Variants in PRR5L observed in about 807,000 individuals in gnomAD.
PRR5L encodes proline-rich protein 5-like.
PRR5L carries 21 observed loss-of-function variants against 36.4 expected under a neutral mutation model. That is an observed-to-expected ratio of 0.58 (90% CI 0.41 to 0.83). The LOEUF (loss-of-function observed/expected upper bound fraction) is 0.83. Ranked by LOEUF, PRR5L falls within the 40% of genes least tolerant of loss-of-function variation. The probability of loss-of-function intolerance (pLI) is 0.00; values close to 1 mark genes in which losing one functional copy is unlikely to be tolerated. For synonymous variants in PRR5L, 188 were observed against 197.0 expected (o/e 0.95, Z 0.38); for missense variants, 381 against 473.3 (o/e 0.80, Z 1.81).
chr11:36,402,639 C>T (rs1857821551), intron 2 of PRR5L, among the ~76,000 whole-genome samples: 1 of 152,186 alleles, frequency 6.6e-6, no homozygotes, highest in Non-Finnish European at 1.5e-5. Context: ...TTAAATGGAT[C>T]CCTGTTCTTT....
At chr11:36,297,360 A>G (rs1856323297) in intron 1 of PRR5L, 2 of 152,168 alleles carry the variant, frequency 1.3e-5, no homozygotes, top group South Asian at 4.1e-4. Context: ...TGATTTTTCT[A>G]TTGGCATCAG....
chr11:36,354,026 A>C (rs1028180116), intron 1 of PRR5L, among the ~76,000 whole-genome samples: 18 of 152,200 alleles, frequency 1.2e-4, no homozygotes, highest in African/African-American at 4.1e-4. Flanking sequence ...AGGAGAGTAC[A>C]CCGTGACAGA....
At chr11:36,427,801 C>T (rs1202538465) in intron 4 of PRR5L, among the ~76,000 whole-genome samples, 1 of 152,198 alleles carries the variant, frequency 6.6e-6, no homozygotes, top group Admixed American at 6.5e-5. Flanking sequence ...CTTCTCACCA[C>T]CTCTAATGTC....
Position 36,431,841 on chromosome 11 carries a change from C to T in PRR5L, c.295-12C>T. ...TGTCCAAATTCTTATGTTCTTTGTT[C>T]TCTTTTGGCAGAACCAGCTTCTTGC... On this transcript the variant is annotated splice_polypyrimidine_tract_variant and intron_variant, in intron 4 of 8. Coordinates refer to ENST00000530639, the MANE Select transcript of PRR5L (RefSeq NM_001160167.2). 6 of 1,613,836 alleles carry T rather than the reference C, an allele frequency of 3.7e-6. No individual in the cohort carries two copies. The highest frequency in any genetic ancestry group is 5.1e-6 in the Non-Finnish European group (6 of 1,179,704).
intron 3 of PRR5L, among the ~76,000 whole-genome samples, chr11:36,409,822 G>C (rs1262410841): frequency 6.6e-6 from 1 of 152,224 alleles, no homozygotes; most frequent in East Asian, 1.9e-4. Context: ...CAAGGAGGAA[G>C]TACAGATACA....
rs1228104684 is a variant in PRR5L, at chr11:36,463,622, A to T, written c.*886A>T. On this transcript the variant is annotated 3_prime_UTR_variant, in exon 9 of 9. Coordinates refer to ENST00000530639, the MANE Select transcript of PRR5L (RefSeq NM_001160167.2). Reference sequence around the variant, plus strand: ...TATCTATCTATCTGGATTTGACTTGAATTTTTAAAATGTGTATCGTTTAAA... The same window carrying T: ...TATCTATCTATCTGGATTTGACTTGTATTTTTAAAATGTGTATCGTTTAAA... The T allele has an allele frequency of 6.7e-6, 1 of 149,124 alleles. No homozygotes were observed. Among genetic ancestry groups the T allele is most frequent in the African/African-American group, 2.5e-5 (1 of 39,920 alleles). The allele number at this position is 149,124 out of a possible 1,614,324, so 9.2% of individuals were successfully genotyped here.
chr11:36,427,557 G>A (rs1270222887), intron 4 of PRR5L, among the ~76,000 whole-genome samples: 1 of 152,186 alleles, frequency 6.6e-6, no homozygotes. Flanking sequence ...ACTGTGAGGT[G>A]AGGTCCAGGA....
At chr11:36,391,948 T>C (rs745715221) in intron 1 of PRR5L, among the ~76,000 whole-genome samples, 1 of 152,150 alleles carries the variant, frequency 6.6e-6, no homozygotes, top group Non-Finnish European at 1.5e-5. Flanking sequence ...CCATTTAACA[T>C]CCCCCCTTCC....
At chr11:36,401,485 T>C (rs1015185568) in intron 2 of PRR5L, among the ~76,000 whole-genome samples, 200 bp downstream of exon 2, 16 of 152,262 alleles carry the variant, frequency 1.1e-4, no homozygotes, top group African/African-American at 3.4e-4. Context: ...AGTGCAGTCG[T>C]GCAATTATAG....
intron 3 of PRR5L, among the ~76,000 whole-genome samples, chr11:36,403,918 G>A (rs1186742833): frequency 6.6e-6 from 1 of 152,176 alleles, no homozygotes; most frequent in African/African-American, 2.4e-5. Flanking sequence ...ATGTAAACAT[G>A]CAACTAAGAC....
At chr11:36,323,854 C>T (rs763660815) in intron 1 of PRR5L, among the ~76,000 whole-genome samples, 3 of 152,134 alleles carry the variant, frequency 2.0e-5, no homozygotes, top group Non-Finnish European at 4.4e-5. Flanking sequence ...CCACTGCACT[C>T]CAGCCTGGGC....
intron 1 of PRR5L, among the ~76,000 whole-genome samples, chr11:36,320,241 T>A: frequency 1.1e-4 from 2 of 18,282 alleles, no homozygotes; most frequent in South Asian, 2.1e-3. Flanking sequence ...CTGGGAATCT[T>A]TTTTTTTTTT....
At chr11:36,435,510 T>C (rs539058370) in intron 5 of PRR5L, among the ~76,000 whole-genome samples, 1 of 151,944 alleles carries the variant, frequency 6.6e-6, no homozygotes, top group East Asian at 1.9e-4. Context: ...TAAACAGAAG[T>C]AGGTTAGGTA....
intron 1 of PRR5L, among the ~76,000 whole-genome samples, chr11:36,392,231 G>C (rs930108003): frequency 6.6e-6 from 1 of 152,138 alleles, no homozygotes; most frequent in African/African-American, 2.4e-5. Context: ...TGGACACTTA[G>C]ATTGCATACA....
At chr11:36,317,701 A>T (rs1590435825) in intron 1 of PRR5L, among the ~76,000 whole-genome samples, 1 of 152,340 alleles carries the variant, frequency 6.6e-6, no homozygotes, top group East Asian at 1.9e-4. Flanking sequence ...TTGCATTTTC[A>T]TGAGCAGTGT....
At chr11:36,444,562 T>A (rs1313916419) in intron 6 of PRR5L, among the ~76,000 whole-genome samples, 1 of 152,008 alleles carries the variant, frequency 6.6e-6, no homozygotes, top group Non-Finnish European at 1.5e-5. Context: ...GAATGAAGAG[T>A]CCTTCGGGAT....
At chr11:36,386,297 G>A (rs1285375058) in intron 1 of PRR5L, among the ~76,000 whole-genome samples, 1 of 152,028 alleles carries the variant, frequency 6.6e-6, no homozygotes. Context: ...GAAAAAAAAA[G>A]TAAAACTAAT....
chr11:36,352,410 A>G (rs1856984953), intron 1 of PRR5L, among the ~76,000 whole-genome samples: 1 of 151,930 alleles, frequency 6.6e-6, no homozygotes, highest in South Asian at 2.1e-4. Flanking sequence ...TACTCTGCTG[A>G]TTGTTTCTTT....
chr11:36,315,697 A>G (rs1288682636), intron 1 of PRR5L, among the ~76,000 whole-genome samples: 1 of 152,238 alleles, frequency 6.6e-6, no homozygotes, highest in Non-Finnish European at 1.5e-5. Flanking sequence ...TCCACAAGCA[A>G]CTAGTTATGA....
Sources: gnomAD v4.1 joint callset for allele counts (sites outside exome capture counted in the v4.1 genomes callset) on GRCh38, gnomAD v4.1.1 for gene constraint, MANE v1.5 for transcripts, NCBI Gene and HGNC (gene_info 2026-07-23, HGNC 2026-07-21) for gene names.